Variants in STIM2 observed in about 807,000 individuals in gnomAD.
STIM2 encodes stromal interaction molecule 2.
A neutral mutation model predicts 85.8 loss-of-function variants in STIM2; 31 were observed. The ratio of observed to expected loss-of-function variants is 0.36; its 90% confidence interval spans 0.27 to 0.49. The LOEUF (loss-of-function observed/expected upper bound fraction) is 0.49, where lower values mean the gene tolerates loss of function less well. STIM2 is among the 20% of genes least tolerant of loss of function. The pLI is 0.98. For missense variants in STIM2, 841 were observed against 927.6 expected (o/e 0.91, Z 1.21); for synonymous variants, 356 against 331.1 (o/e 1.08, Z -0.82).
At position 26,975,328 on chromosome 4, in the gene STIM2, T is replaced by G. The variant is rs1383528394; in HGVS notation, c.397+17602T>G. On this transcript the variant is annotated intron_variant, in intron 3 of 11. Transcript: ENST00000467087. The stretch of plus-strand genomic sequence containing the variant: ...TTTGGAGGAGAAGGGGCACTCTGGT[T>G]TTTAGAATTTTCAGCTTTTCTGCTC... Among the ~76,000 whole-genome samples the G allele has an allele frequency of 2.6e-5, 4 of 152,312 alleles. No individual in the cohort carries two copies. In the East Asian group the frequency reaches 7.7e-4, roughly 29 times the overall value.
At chr4:26,942,988 C>G (rs1010284717) in intron 2 of STIM2, among the ~76,000 whole-genome samples, 14 of 152,190 alleles carry the variant, frequency 9.2e-5, no homozygotes, top group South Asian at 6.2e-4. Flanking sequence ...TTGCTTGACT[C>G]AAATCTCTTC....
intron 1 of STIM2, among the ~76,000 whole-genome samples, chr4:26,880,140 G>A (rs574604048): frequency 1.3e-5 from 2 of 152,248 alleles, no homozygotes; most frequent in South Asian, 2.1e-4. Context: ...GTCTACCTTT[G>A]TAGCTTCATC....
chr4:26,896,426 CAG>C (rs1723705492), intron 1 of STIM2, among the ~76,000 whole-genome samples: 1 of 152,178 alleles, frequency 6.6e-6, no homozygotes, highest in Non-Finnish European at 1.5e-5. Context: ...GGTGTATCAA[CAG>C]GGGACAGGAA....
intron 1 of STIM2, among the ~76,000 whole-genome samples, chr4:26,910,015 A>G (rs1262465266): frequency 2.0e-5 from 3 of 152,194 alleles, no homozygotes; most frequent in South Asian, 4.1e-4. Context: ...GTGATTTTAT[A>G]TATGTGTGTA....
At chr4:27,021,553 G>A (rs796234084) in intron 11 of STIM2, 12 of 456,640 alleles carry the variant, frequency 2.6e-5, no homozygotes, top group South Asian at 1.2e-4. Context: ...GGCCTGGTAC[G>A]CTTTGACAAG....
intron 1 of STIM2, among the ~76,000 whole-genome samples, chr4:26,886,203 C>G (rs1431919375): frequency 6.6e-6 from 1 of 152,020 alleles, no homozygotes; most frequent in Non-Finnish European, 1.5e-5. Flanking sequence ...CTTCTTAAAG[C>G]TTTTTCTGTG....
intron 1 of STIM2, among the ~76,000 whole-genome samples, chr4:26,907,980 A>G (rs1724192120): frequency 6.6e-6 from 1 of 152,164 alleles, no homozygotes; most frequent in African/African-American, 2.4e-5. Flanking sequence ...CGGAAGGGGA[A>G]TTACCCATTT....
chr4:26,906,235 T>C (rs551268869), intron 1 of STIM2, among the ~76,000 whole-genome samples: 225 of 152,108 alleles, frequency 1.5e-3, no homozygotes, highest in African/African-American at 5.2e-3. Context: ...TGAGTGCATA[T>C]GGACACAAAG....
In STIM2 at chr4:26,862,452, C is replaced by T. The variant is rs539720529; in HGVS notation, c.151+1083C>T. On this transcript the variant is annotated intron_variant, in intron 1 of 11. Coordinates refer to ENST00000467087, the MANE Select transcript of STIM2 (RefSeq NM_020860.4). ...TAATTTAACCAAAATGATAGTCCTG[C>T]GGGCGTCTGGAAGTTACTAACAGCT... is the stretch of plus-strand genomic sequence containing the variant. 6.6e-5 allele frequency among the ~76,000 whole-genome samples: 10 copies of T among 151,958 alleles called. No homozygotes were observed. In the South Asian group the frequency reaches 2.1e-3, roughly 32 times the overall value.
chr4:27,000,705 A>C (rs1728121973), intron 5 of STIM2, among the ~76,000 whole-genome samples: 1 of 152,200 alleles, frequency 6.6e-6, no homozygotes, highest in Admixed American at 6.6e-5. Context: ...AATGATTTTA[A>C]ATATGTTTGT....
chr4:26,930,080 A>G (rs1208060924), intron 2 of STIM2, among the ~76,000 whole-genome samples: 1 of 152,188 alleles, frequency 6.6e-6, no homozygotes, highest in Non-Finnish European at 1.5e-5. Context: ...CTAGGTCATC[A>G]TCTTCTGGAC....
Position 26,929,851 on chromosome 4 carries a change from G to A in STIM2, c.282+10217G>A, listed in dbSNP as rs376823143. 3.3e-5 allele frequency among the ~76,000 whole-genome samples: 5 copies of A among 152,092 alleles called. No individual in the cohort carries two copies. The South Asian group carries it at 8.3e-4, about 25-fold the overall frequency. ...GAAGGAGACTAAACAAAATAAGTAAGCAGGGGCAGGGGGATCATTATCAGT... is the reference window on the plus strand; with the variant it reads ...GAAGGAGACTAAACAAAATAAGTAAACAGGGGCAGGGGGATCATTATCAGT... On this transcript the variant is annotated intron_variant, in intron 2 of 11. Transcript: ENST00000467087.
intron 3 of STIM2, among the ~76,000 whole-genome samples, chr4:26,979,798 AC>A (rs148359973): frequency 0.01 from 1,560 of 152,274 alleles, 12 homozygotes; most frequent in Non-Finnish European, 0.018. Flanking sequence ...ATATGACTTC[AC>A]CTGCTATGAG....
chr4:26,910,477 T>C (rs957237451), intron 1 of STIM2, among the ~76,000 whole-genome samples: 1 of 151,994 alleles, frequency 6.6e-6, no homozygotes, highest in Non-Finnish European at 1.5e-5. Flanking sequence ...TGAGCTGAGA[T>C]CATGCCACTG....
chr4:27,007,410 C>A, intron 7 of STIM2, 123 bp from the exon 8 acceptor site: 7 of 593,790 alleles, frequency 1.2e-5, no homozygotes, highest in South Asian at 4.8e-5. Flanking sequence ...CAGTTTAAAA[C>A]GATGTTTACA....
chr4:26,873,555 G>A (rs2109030448), intron 1 of STIM2: 1 of 421,070 alleles, frequency 2.4e-6, no homozygotes, highest in Non-Finnish European at 4.5e-6. Context: ...ACTTTGTCCA[G>A]GAAGCTCATG....
At chr4:26,962,133 A>G (rs1281275392) in intron 3 of STIM2, among the ~76,000 whole-genome samples, 3 of 152,158 alleles carry the variant, frequency 2.0e-5, no homozygotes, top group African/African-American at 7.2e-5. Flanking sequence ...TTCAAACTAT[A>G]CAGCTTTAAA....
At chr4:26,985,423 C>A (rs184939791) in intron 3 of STIM2, among the ~76,000 whole-genome samples, 33 of 152,180 alleles carry the variant, frequency 2.2e-4, no homozygotes, top group African/African-American at 7.9e-4. Flanking sequence ...TAAAAGTAGT[C>A]AATACTGGTG....
chr4:26,915,091 C>G (rs896030422), intron 1 of STIM2, among the ~76,000 whole-genome samples: 3 of 152,116 alleles, frequency 2.0e-5, no homozygotes, highest in South Asian at 2.1e-4. Context: ...TGATCTTAAG[C>G]AAGTTACTCA....
Sources: allele counts gnomAD v4.1 joint callset (sites outside exome capture counted in the v4.1 genomes callset), GRCh38; gene constraint gnomAD v4.1.1; transcripts MANE v1.5; gene names NCBI Gene and HGNC (gene_info 2026-07-23, HGNC 2026-07-21).